ZNF454: variants seen among roughly 807,000 people sequenced by gnomAD.
ZNF454 encodes the protein zinc finger protein 454.
In ZNF454, 30 loss-of-function variants were observed where a neutral mutation model predicts 48.2. The ratio of observed to expected loss-of-function variants is 0.62; its 90% confidence interval spans 0.47 to 0.84. The LOEUF (loss-of-function observed/expected upper bound fraction) is 0.84, where lower values mean the gene tolerates loss of function less well. Ranked by LOEUF, ZNF454 falls within the 40% of genes least tolerant of loss-of-function variation. The pLI, the probability that ZNF454 is intolerant of heterozygous loss-of-function variation, is 0.00. For missense variants in ZNF454, 510 were observed against 623.1 expected, an observed-to-expected ratio of 0.82 and a Z score of 1.93; for synonymous variants, 204 against 211.4, an observed-to-expected ratio of 0.97 and a Z score of 0.30.
chr5:178,985,475 G>A, the ZNF454 span: 50 of 341,462 alleles, frequency 1.5e-4, no homozygotes, highest in East Asian at 5.9e-4. Context: ...AGGCCGAGGT[G>A]GGCGGATCAC....
rs756912368 is a variant in ZNF454, at chr5:178,965,693, A to T, written c.1289A>T (p.His430Leu). The T allele has an allele frequency of 1.2e-6, 2 of 1,614,252 alleles. No homozygotes were observed. Among genetic ancestry groups the T allele is most frequent in the South Asian group, 1.1e-5 (1 of 91,090 alleles). Residue 430 changes from histidine to leucine, a missense_variant, in exon 5 of 5, where the codon CAT becomes CTT. His to Leu is a moderately conservative substitution (Grantham distance 99). Coordinates refer to ENST00000519564, the MANE Select transcript of ZNF454 (RefSeq NM_001178089.3). This position sits in a 1 kb window ranked among gnomAD's most constrained non-coding sequence, Gnocchi z 5.2. ...AFRDQSALAQ[H>L]QRIHTGEKPY... is the part of the protein sequence containing the mutation. ...CGGGACCAATCAGCACTAGCCCAACATCAGAGAATTCATACTGGGGAAAAA... is the reference window on the plus strand; with the variant it reads ...CGGGACCAATCAGCACTAGCCCAACTTCAGAGAATTCATACTGGGGAAAAA...
At chr5:178,987,085 G>T in the ZNF454 span, 1 of 1,196,530 alleles carries the variant, frequency 8.4e-7, no homozygotes, top group African/African-American at 1.5e-5. Flanking sequence ...AGCTTAACAA[G>T]CATCACTGCT....
chr5:178,986,260 T>A, the ZNF454 span: 2 of 1,613,758 alleles, frequency 1.2e-6, no homozygotes. Context: ...CAGGGCAGAG[T>A]AGCTGAGGGT....
chr5:178,967,501 A>C (rs1309147994), downstream of ZNF454, among the ~76,000 whole-genome samples: 1 of 152,096 alleles, frequency 6.6e-6, no homozygotes, highest in East Asian at 1.9e-4. Context: ...ACAGCTTTGA[A>C]TTTCTGCTTT....
At chr5:178,966,666 G>A (rs1016917460), downstream of ZNF454, among the ~76,000 whole-genome samples, 7 of 152,034 alleles carry the variant, frequency 4.6e-5, no homozygotes, top group African/African-American at 1.2e-4. Flanking sequence ...GCCTACGAGC[G>A]TTGCACTCTA....
At chr5:178,953,759 G>A (rs1323365541) in intron 4 of ZNF454, among the ~76,000 whole-genome samples, 1 of 152,116 alleles carries the variant, frequency 6.6e-6, no homozygotes, top group Non-Finnish European at 1.5e-5. Flanking sequence ...ATTGTTTTCT[G>A]GACCTCAGGC....
the ZNF454 span, among the ~76,000 whole-genome samples, chr5:178,984,386 G>A: frequency 1.3e-5 from 2 of 152,224 alleles, no homozygotes; most frequent in Non-Finnish European, 2.9e-5. Flanking sequence ...CATGGCCGGC[G>A]CACTGGTGCT....
At chr5:178,956,676 TTTA>T (rs529769952) in intron 4 of ZNF454, among the ~76,000 whole-genome samples, 10,850 of 51,112 alleles carry the variant, frequency 0.21, 711 homozygotes, top group African/African-American at 0.34. Flanking sequence ...TTTTATTTAA[TTTA>T]TTTATTTATT....
intron 4 of ZNF454, among the ~76,000 whole-genome samples, chr5:178,949,726 T>C (rs1230412774): frequency 6.6e-6 from 1 of 151,890 alleles, no homozygotes; most frequent in Admixed American, 6.6e-5. Context: ...AAGTGATTCT[T>C]CTGCCTCAGC....
chr5:178,966,928 G>C (rs186924744), downstream of ZNF454, among the ~76,000 whole-genome samples: 569 of 152,298 alleles, frequency 3.7e-3, 3 homozygotes, highest in Non-Finnish European at 6.9e-3. Context: ...ACGCCTAACT[G>C]TCTGCATGGT....
chr5:178,944,253 C>T lies in ZNF454; in HGVS notation c.33+1429C>T, dbSNP rs1759228137. Reference sequence around the variant, plus strand: ...CCGGCTGTTCCCCTCCTCCTCTTGGCTTCTGACTTGTCACTTAGGACCCTT... The same window carrying T: ...CCGGCTGTTCCCCTCCTCCTCTTGGTTTCTGACTTGTCACTTAGGACCCTT... On this transcript the variant is annotated intron_variant, in intron 2 of 4. Coordinates refer to ENST00000519564, the MANE Select transcript of ZNF454 (RefSeq NM_001178089.3). This position sits in a 1 kb window ranked among gnomAD's most constrained non-coding sequence, Gnocchi z 4.1. Among the ~76,000 whole-genome samples the T allele has an allele frequency of 6.6e-6, 1 of 152,178 alleles. No individual in the cohort carries two copies. The highest frequency in any genetic ancestry group is 6.6e-5 in the Admixed American group (1 of 15,266).
chr5:178,985,998 G>A, the ZNF454 span: 1 of 803,248 alleles, frequency 1.2e-6, no homozygotes, highest in African/African-American at 1.7e-5. Flanking sequence ...CTGGACTCAG[G>A]TGATCCACCC....
chr5:178,946,587 C>CGTCCTCAGT lies in ZNF454; in HGVS notation c.160+102_160+103insGTCCTCAGT. ...GAGTCGGTTGGACCAACTGAGGACG[C>CGTCCTCAGT]TGTCTTCAAGGGTGCCATTAATTTT... On this transcript the variant is annotated intron_variant, in intron 3 of 4. Coordinates refer to ENST00000519564, the MANE Select transcript of ZNF454 (RefSeq NM_001178089.3). The surrounding 1 kb of genome is among the most constrained non-coding windows in gnomAD (Gnocchi z 4.5). The CGTCCTCAGT allele has an allele frequency of 1.4e-6, 2 of 1,443,790 alleles. No individual in the cohort carries two copies. The highest frequency in any genetic ancestry group is 1.9e-6 in the Non-Finnish European group (2 of 1,076,462). 89.4% of individuals were successfully genotyped at this position (1,443,790 alleles called of 1,614,324 possible). A position where few individuals can be genotyped will look rare whatever the true frequency, so the allele number is the denominator to read the frequency against.
At chr5:178,982,704 AG>A in the ZNF454 span, 21 of 532,234 alleles carry the variant, frequency 3.9e-5, no homozygotes, top group South Asian at 2.7e-4. Context: ...AAAAAAAAAA[AG>A]AAAAAAAGAA....
At chr5:178,988,242 G>C in the ZNF454 span, among the ~76,000 whole-genome samples, 4 of 152,184 alleles carry the variant, frequency 2.6e-5, no homozygotes, top group Non-Finnish European at 5.9e-5. The surrounding 1 kb of genome is among the most constrained non-coding windows in gnomAD (Gnocchi z 6.0). Flanking sequence ...TGAACAATGA[G>C]CTCTATTTTT....
rs937107353 is a variant in ZNF454 at position 178,946,041 on chromosome 5, C to T, written c.34-318C>T. 5.9e-5 allele frequency among the ~76,000 whole-genome samples: 9 copies of T among 151,912 alleles called. No homozygotes were observed. Among genetic ancestry groups the T allele is most frequent in the African/African-American group, 1.2e-4 (5 of 41,342 alleles). On this transcript the variant is annotated intron_variant, in intron 2 of 4. Coordinates refer to ENST00000519564, the MANE Select transcript of ZNF454 (RefSeq NM_001178089.3). The surrounding 1 kb of genome is among the most constrained non-coding windows in gnomAD (Gnocchi z 4.5). Reference sequence around the variant, plus strand: ...GTAGGATTTGGTCCCCTGGGGTGAGCGGAGAGGCAGGGCTAGGCGGTTTGA... The same window carrying T: ...GTAGGATTTGGTCCCCTGGGGTGAGTGGAGAGGCAGGGCTAGGCGGTTTGA...
chr5:178,989,203 CCCTCCCCA>C, the ZNF454 span: 2 of 300,258 alleles, frequency 6.7e-6, no homozygotes, highest in Non-Finnish European at 1.0e-5. Context: ...CCCGCCTTCC[CCCTCCCCA>C]CCCTCACCAC....
Position 178,946,249 on chromosome 5 carries a change from G to A in ZNF454, c.34-110G>A. ...GTCACAGAACGCCAGCTCCCTGTGT[G>A]CCAGCAGTCCTGTAAATGCGCACAA... On this transcript the variant is annotated intron_variant, in intron 2 of 4. Coordinates refer to ENST00000519564, the MANE Select transcript of ZNF454 (RefSeq NM_001178089.3). This position sits in a 1 kb window ranked among gnomAD's most constrained non-coding sequence, Gnocchi z 4.5. 2 of 1,466,124 alleles carry A rather than the reference G, an allele frequency of 1.4e-6. No individual in the cohort carries two copies. Among genetic ancestry groups the A allele is most frequent in the East Asian group, 4.7e-5 (2 of 42,438 alleles). 90.8% of individuals were successfully genotyped at this position (1,466,124 alleles called of 1,614,324 possible).
At chr5:178,989,197 C>T in the ZNF454 span, 17 of 1,528,212 alleles carry the variant, frequency 1.1e-5, no homozygotes, top group Non-Finnish European at 1.5e-5. Context: ...CGGCCTCCCG[C>T]CTTCCCCCTC....
Sources: allele counts gnomAD v4.1 joint callset (sites outside exome capture counted in the v4.1 genomes callset), GRCh38; gene constraint gnomAD v4.1.1; non-coding constraint Gnocchi (gnomAD v3.1); transcripts MANE v1.5; gene names NCBI Gene and HGNC (gene_info 2026-07-23, HGNC 2026-07-21).